Variants in IL16 observed in about 807,000 individuals in gnomAD.
The protein encoded by IL16 is pro-interleukin-16.
A neutral mutation model predicts 110.1 loss-of-function variants in IL16; 67 were observed. The observed-to-expected ratio is 0.61, with a 90% CI of 0.50 to 0.75. The LOEUF is 0.75. Ranked by LOEUF, IL16 falls within the 30% of genes least tolerant of loss-of-function variation. IL16 has a pLI of 0.00. For synonymous variants in IL16, 689 were observed against 662.9 expected, an observed-to-expected ratio of 1.04 and a Z score of -0.61; for missense variants, 1,545 against 1,655.0, an observed-to-expected ratio of 0.93 and a Z score of 1.15.
chr15:81,222,705 C>A (rs1206193306), intron 1 of IL16, among the ~76,000 whole-genome samples: 1 of 151,568 alleles, frequency 6.6e-6, no homozygotes, highest in Non-Finnish European at 1.5e-5. Context: ...TTCCAAATGC[C>A]TAATGGACCA....
intron 2 of IL16, among the ~76,000 whole-genome samples, chr15:81,240,168 C>A (rs1897299135): frequency 6.6e-6 from 1 of 152,028 alleles, no homozygotes; most frequent in Non-Finnish European, 1.5e-5. Flanking sequence ...CATATTATTT[C>A]ATTTTGTTGT....
chr15:81,197,610 T>C (rs1323909675), intron 1 of IL16, among the ~76,000 whole-genome samples: 2 of 152,180 alleles, frequency 1.3e-5, no homozygotes, highest in Admixed American at 6.5e-5. Context: ...TGGGCATCTC[T>C]GCAGATTGAC....
At chr15:81,228,470 G>A (rs1896864847) in intron 2 of IL16, among the ~76,000 whole-genome samples, 1 of 151,968 alleles carries the variant, frequency 6.6e-6, no homozygotes, top group Admixed American at 6.6e-5. Context: ...ACAGGAGCCT[G>A]CCACTACACC....
intron 9 of IL16, among the ~76,000 whole-genome samples, chr15:81,284,946 G>A (rs73501750): frequency 0.034 from 5,193 of 152,192 alleles, 257 homozygotes; most frequent in African/African-American, 0.11. Flanking sequence ...TGCAGAAAAA[G>A]TTTGTCAATT....
intron 1 of IL16, among the ~76,000 whole-genome samples, chr15:81,187,048 T>C (rs1427558901): frequency 6.6e-6 from 1 of 152,186 alleles, no homozygotes; most frequent in African/African-American, 2.4e-5. Context: ...TGGCTTCCTC[T>C]CTAGTAGAAA....
At chr15:81,296,391 A>G (rs1596046357) in intron 12 of IL16, among the ~76,000 whole-genome samples, 2 of 152,248 alleles carry the variant, frequency 1.3e-5, no homozygotes, top group East Asian at 3.8e-4. Flanking sequence ...TAGGTGCCAC[A>G]GAGGGGAGCA....
chr15:81,265,574 AATGAGGGGCTGAT>A (rs2142214650), intron 3 of IL16, 72 bp from the exon 4 acceptor site: 1 of 1,472,218 alleles, frequency 6.8e-7, no homozygotes, highest in African/African-American at 1.4e-5. Context: ...GCCCCTGGCT[AATGAGGGGCTGAT>A]ATTGTTCTTA....
intron 2 of IL16, among the ~76,000 whole-genome samples, chr15:81,232,053 T>TTTTTTTTTTTTTTC: frequency 8.3e-6 from 1 of 121,106 alleles, no homozygotes; most frequent in Non-Finnish European, 1.9e-5. Flanking sequence ...TTTTTTTTTT[T>TTTTTTTTTTTTTTC]TTTTTTTTTT....
chr15:81,282,809 A>G, intron 9 of IL16, 53 bp downstream of exon 9: 1 of 1,249,682 alleles, frequency 8.0e-7, no homozygotes, highest in Non-Finnish European at 1.2e-6. Flanking sequence ...ACCAGGAAAG[A>G]AATACCTTAG....
chr15:81,292,927 A>G lies in IL16; in HGVS notation c.1792A>G (p.Lys598Glu). The change falls in exon 12 of 19, where the codon AAG becomes GAG. Residue 598 changes from lysine (K) to glutamate (E), a missense_variant. Around this residue, in one of 3 missense-constraint regions of IL16, gnomAD observed 1,185 missense variants for 1,238.8 expected, o/e 0.96. Coordinates refer to ENST00000683961, the MANE Select transcript of IL16 (RefSeq NM_172217.5). ...GAGAAAGCCTATGTCCTCCAAGCCC[A>G]AGCCTCCACCCAGAAAATACTTTAA... ...LVRKPMSSKP[K>E]PPPRKYFKSD... 5 of 1,614,158 alleles carry G rather than the reference A, an allele frequency of 3.1e-6. No homozygotes were observed. The South Asian group carries it at 4.4e-5, about 14-fold the overall frequency.
At chr15:81,244,902 T>C (rs1714828164) in intron 2 of IL16, among the ~76,000 whole-genome samples, 1 of 152,204 alleles carries the variant, frequency 6.6e-6, no homozygotes, top group African/African-American at 2.4e-5. Flanking sequence ...GAGTAATTTC[T>C]GTTATTCCGT....
At position 81,313,543 on chromosome 15, in the gene IL16, C is replaced by T. The variant is rs1900980883; in HGVS notation, c.*4745C>T. On this transcript the variant is annotated 3_prime_UTR_variant, in exon 19 of 19. Coordinates refer to ENST00000683961, the MANE Select transcript of IL16 (RefSeq NM_172217.5). ...GTCTCATCCCTTGCTGTGCCCTCCA[C>T]CCAGGAGTCCTCTCTGGACCTGCTG... 5.5e-6 allele frequency: 4 copies of T among 732,720 alleles called. No individual in the cohort carries two copies. The highest frequency in any genetic ancestry group is 7.9e-5 in the South Asian group (2 of 25,408). The allele number at this position is 732,720 out of a possible 1,614,324, so 45.4% of individuals were successfully genotyped here.
intron 11 of IL16, 71 bp downstream of exon 11, chr15:81,290,611 C>A: frequency 9.8e-7 from 1 of 1,018,406 alleles, no homozygotes; most frequent in Non-Finnish European, 1.5e-6. Flanking sequence ...TATCCATTAA[C>A]TCATCCTCTA....
intron 2 of IL16, among the ~76,000 whole-genome samples, chr15:81,236,081 A>G (rs1897167282): frequency 6.6e-6 from 1 of 152,242 alleles, no homozygotes; most frequent in Admixed American, 6.5e-5. Context: ...TTAAAAATTC[A>G]AAGTAATTGG....
intron 3 of IL16, among the ~76,000 whole-genome samples, chr15:81,265,121 T>C (rs1333304994): frequency 6.6e-6 from 1 of 152,224 alleles, no homozygotes. Flanking sequence ...AGGAAGCCTG[T>C]CGCTTTGCAT....
rs60981835 is a variant in IL16, at chr15:81,303,185, G to GTT, written c.3319-353_3319-352dup. 1.0e-4 allele frequency: 17 copies of GTT among 166,092 alleles called. No individual in the cohort carries two copies. Among genetic ancestry groups the GTT allele is most frequent in the South Asian group, 3.8e-4 (3 of 7,840 alleles). The allele number at this position is 166,092 out of a possible 1,614,324, so 10.3% of individuals were successfully genotyped here. A position where few individuals can be genotyped will look rare whatever the true frequency, so the allele number is the denominator to read the frequency against. On this transcript the variant is annotated intron_variant, in intron 15 of 18. Coordinates refer to ENST00000683961, the MANE Select transcript of IL16 (RefSeq NM_172217.5). This position sits in a 1 kb window ranked among gnomAD's most constrained non-coding sequence, Gnocchi z 4.1. The stretch of plus-strand genomic sequence containing the variant: ...ACTGACCCCTGTTTTGTTTTTTGTT[G>GTT]TTTTTTTTTTTTGTTTTGTTTTACC...
chr15:81,225,368 G>A lies in IL16; in HGVS notation c.-32G>A, dbSNP rs761308358. On this transcript the variant is annotated 5_prime_UTR_variant, in exon 2 of 19. Transcript: ENST00000683961. The stretch of plus-strand genomic sequence containing the variant: ...CAGCCAAGGGCCAGAGACCAGGAAA[G>A]GAAGAAAGGCAGCTTCACTTCCTCT... The A allele has an allele frequency of 7.5e-6, 12 of 1,608,184 alleles. No individual in the cohort carries two copies. In the South Asian group the frequency reaches 1.1e-4, roughly 15 times the overall value.
At chr15:81,250,861 T>C (rs1897745009) in intron 2 of IL16, among the ~76,000 whole-genome samples, 1 of 152,198 alleles carries the variant, frequency 6.6e-6, no homozygotes, top group Non-Finnish European at 1.5e-5. Context: ...AATTCAAACT[T>C]AAAATGAAGA....
chr15:81,292,481 G>A (rs1477115876), intron 11 of IL16, 75 bp from the exon 12 acceptor site: 4 of 1,603,618 alleles, frequency 2.5e-6, no homozygotes, highest in South Asian at 1.1e-5. Context: ...GCCCGTGGCA[G>A]TCACAGGTGA....
Sources: allele counts gnomAD v4.1 joint callset (sites outside exome capture counted in the v4.1 genomes callset), GRCh38; gene constraint gnomAD v4.1.1; regional missense constraint gnomAD v4.1.1; non-coding constraint Gnocchi (gnomAD v3.1); transcripts MANE v1.5; gene names NCBI Gene and HGNC (gene_info 2026-07-23, HGNC 2026-07-21).